Variants in AMPH observed in about 807,000 individuals in gnomAD.
AMPH encodes the protein amphiphysin.
In AMPH, 49 loss-of-function variants were observed where a neutral mutation model predicts 99.1. The observed-to-expected ratio is 0.49, with a 90% CI of 0.39 to 0.63. The LOEUF (loss-of-function observed/expected upper bound fraction) is 0.63, where lower values mean the gene tolerates loss of function less well. AMPH is among the 20% of genes least tolerant of loss of function. The pLI is 0.00. For synonymous variants in AMPH, 314 were observed against 317.3 expected (o/e 0.99, Z 0.11); for missense variants, 759 against 863.4 (o/e 0.88, Z 1.52).
intron 17 of AMPH, among the ~76,000 whole-genome samples, chr7:38,410,358 G>A (rs1785178576): frequency 6.6e-6 from 1 of 152,158 alleles, no homozygotes; most frequent in African/African-American, 2.4e-5. Context: ...GTGCAACCTG[G>A]GACCCAACCC....
At chr7:38,576,691 C>G (rs1037308316) in intron 1 of AMPH, among the ~76,000 whole-genome samples, 1 of 151,968 alleles carries the variant, frequency 6.6e-6, no homozygotes, top group Admixed American at 6.6e-5. Context: ...TTTTTTAAAA[C>G]AGGCTAAAGA....
At chr7:38,542,417 A>C (rs1330871022) in intron 1 of AMPH, among the ~76,000 whole-genome samples, 1 of 152,190 alleles carries the variant, frequency 6.6e-6, no homozygotes, top group Non-Finnish European at 1.5e-5. Flanking sequence ...CATGTAAATT[A>C]GTCCTCATGT....
In AMPH at chr7:38,441,741, CAGATATATCATATATATATCATATATATG is replaced by C. The variant is rs1562757249; in HGVS notation, c.1018-5382_1018-5354del. On this transcript the variant is annotated intron_variant, in intron 11 of 20. Transcript: ENST00000356264. Reference sequence around the variant, plus strand: ...TGGATAAAGAAAATGATATATATGACAGATATATCATATATATATCATATATATGATATATATCATATATCTGTCATATA... The same window carrying C: ...TGGATAAAGAAAATGATATATATGACATATATATCATATATCTGTCATATA... Among the ~76,000 whole-genome samples, 9 of 99,298 alleles carry C rather than the reference CAGATATATCATATATATATCATATATATG, an allele frequency of 9.1e-5. No homozygotes were observed. The South Asian group carries it at 2.0e-3, about 22-fold the overall frequency. The allele number at this position is 99,298 out of a possible 152,430, so 65.1% of individuals were successfully genotyped here.
intron 11 of AMPH, among the ~76,000 whole-genome samples, chr7:38,440,122 T>C (rs76209887): frequency 0.024 from 3,627 of 152,298 alleles, 52 homozygotes; most frequent in South Asian, 0.077. Context: ...GAAGCACATG[T>C]GGACCAATCA....
chr7:38,575,535 A>T (rs895544986), intron 1 of AMPH, among the ~76,000 whole-genome samples: 1 of 152,152 alleles, frequency 6.6e-6, no homozygotes, highest in African/African-American at 2.4e-5. Flanking sequence ...GTGAGTTCTC[A>T]TAAGATCTGA....
In AMPH at chr7:38,391,906, G is replaced by A. The variant is rs1281965723; in HGVS notation, c.1720C>T (p.Pro574Ser). 4.3e-6 allele frequency: 7 copies of A among 1,612,694 alleles called. No homozygotes were observed. Among genetic ancestry groups the A allele is most frequent in the Non-Finnish European group, 5.9e-6 (7 of 1,179,856 alleles). Residue 574 changes from proline to serine, a missense_variant, in exon 19 of 21, where the codon CCT becomes TCT. Physicochemically the swap from Pro to Ser is moderately conservative, Grantham distance 74. Transcript: ENST00000356264. ...GGTGTCTCGCTGGTGGGGCCCGGAGGAGCCGCGTCCTCGGTGGTCTCCTTG... is the reference window on the plus strand; with the variant it reads ...GGTGTCTCGCTGGTGGGGCCCGGAGAAGCCGCGTCCTCGGTGGTCTCCTTG... ...EPKETTEDAA[P>S]PGPTSETPEL... is the part of the protein sequence containing the mutation.
At chr7:38,426,831 T>A (rs1019270684) in intron 15 of AMPH, 123 bp downstream of exon 15, 1 of 783,170 alleles carries the variant, frequency 1.3e-6, no homozygotes, top group Non-Finnish European at 2.1e-6. Flanking sequence ...AGTAGTGGGG[T>A]CCAATTTTGT....
intron 2 of AMPH, among the ~76,000 whole-genome samples, chr7:38,506,418 G>T (rs1281717922): frequency 6.6e-6 from 1 of 152,208 alleles, no homozygotes; most frequent in East Asian, 1.9e-4. Context: ...AGCCCAAGTG[G>T]TGGTCAAGCA....
chr7:38,547,081 A>T (rs80026999), intron 1 of AMPH, among the ~76,000 whole-genome samples: 12,613 of 152,110 alleles, frequency 0.083, 718 homozygotes, highest in Middle Eastern at 0.19. Context: ...ACCAGCAGCC[A>T]TCTCATCCCC....
At chr7:38,421,308 T>C (rs7801886) in intron 16 of AMPH, among the ~76,000 whole-genome samples, 3 of 152,212 alleles carry the variant, frequency 2.0e-5, no homozygotes, top group African/African-American at 7.2e-5. Context: ...CCATTTCTCA[T>C]AAACCATTCA....
chr7:38,596,865 G>A (rs898237814), intron 1 of AMPH, among the ~76,000 whole-genome samples: 23 of 149,302 alleles, frequency 1.5e-4, no homozygotes, highest in African/African-American at 5.7e-4. Context: ...TTATCTCTCT[G>A]TTTTCAGCCC....
chr7:38,426,849 T>C, intron 15 of AMPH, 105 bp downstream of exon 15: 1 of 1,028,758 alleles, frequency 9.7e-7, no homozygotes, highest in African/African-American at 1.6e-5. Flanking sequence ...TGTGCTGATA[T>C]TCTTAATCAT....
At chr7:38,547,664 A>C (rs936521610) in intron 1 of AMPH, among the ~76,000 whole-genome samples, 1 of 152,228 alleles carries the variant, frequency 6.6e-6, no homozygotes, top group East Asian at 1.9e-4. Context: ...GGTCCTAATG[A>C]CATGTGCCCA....
intron 1 of AMPH, among the ~76,000 whole-genome samples, chr7:38,620,601 TTAAA>T (rs1447285276): frequency 6.8e-6 from 1 of 146,910 alleles, no homozygotes; most frequent in Non-Finnish European, 1.5e-5. Context: ...GTGCAATTGA[TTAAA>T]TGTTGATTAA....
chr7:38,609,054 A>G (rs1793533607), intron 1 of AMPH, among the ~76,000 whole-genome samples: 2 of 152,174 alleles, frequency 1.3e-5, no homozygotes, highest in South Asian at 4.1e-4. Flanking sequence ...CTTGGCCCCA[A>G]TCCCATTTGC....
chr7:38,539,799 A>G (rs1281150988), intron 1 of AMPH, among the ~76,000 whole-genome samples: 1 of 152,234 alleles, frequency 6.6e-6, no homozygotes, highest in Non-Finnish European at 1.5e-5. Flanking sequence ...GGCAAAGACC[A>G]TGATGTGCAG....
At chr7:38,470,273 C>T (rs1417099690) in intron 7 of AMPH, among the ~76,000 whole-genome samples, 2 of 152,198 alleles carry the variant, frequency 1.3e-5, no homozygotes, top group African/African-American at 4.8e-5. Flanking sequence ...CACAATTCCT[C>T]AGGCCCATCA....
chr7:38,425,629 A>G (rs560942824), intron 15 of AMPH, among the ~76,000 whole-genome samples: 1 of 152,334 alleles, frequency 6.6e-6, no homozygotes, highest in East Asian at 1.9e-4. Context: ...AAGGGCAGGA[A>G]GCAGAAGAGG....
At chr7:38,543,956 G>T (rs1790904997) in intron 1 of AMPH, among the ~76,000 whole-genome samples, 1 of 152,136 alleles carries the variant, frequency 6.6e-6, no homozygotes, top group South Asian at 2.1e-4. Context: ...ATCAATCAAT[G>T]ATTAATTTTT....
Sources: allele counts gnomAD v4.1 joint callset (sites outside exome capture counted in the v4.1 genomes callset), GRCh38; gene constraint gnomAD v4.1.1; transcripts MANE v1.5; gene names NCBI Gene and HGNC (gene_info 2026-07-23, HGNC 2026-07-21).